DLGAP2: variants seen among roughly 807,000 people sequenced by gnomAD.
The protein encoded by DLGAP2 is DLG associated protein 2.
A neutral mutation model predicts 100.3 loss-of-function variants in DLGAP2; 26 were observed. The observed-to-expected ratio is 0.26, with a 90% confidence interval of 0.19 to 0.36. The LOEUF is 0.36. Among genes scored for constraint, DLGAP2 ranks in the 10% least tolerant of loss-of-function variants. The pLI, the probability that DLGAP2 is intolerant of heterozygous loss-of-function variation, is 1.00. For synonymous variants in DLGAP2, 886 were observed against 630.1 expected (o/e 1.41, Z -6.08); for missense variants, 1,858 against 1,453.2 (o/e 1.28, Z -4.53).
At chr8:1,059,126 A>G (rs893528747) in intron 2 of DLGAP2, among the ~76,000 whole-genome samples, 2 of 152,198 alleles carry the variant, frequency 1.3e-5, no homozygotes, top group African/African-American at 4.8e-5. Context: ...TGGGAGTCCT[A>G]AAGCCAGCAG....
At chr8:1,301,448 T>C (rs1800337387) in intron 3 of DLGAP2, 1 of 148,774 alleles carries the variant, frequency 6.7e-6, no homozygotes, top group South Asian at 2.1e-4. Flanking sequence ...CTCCACTTTT[T>C]TTTTTTCTTA....
chr8:1,504,700 T>C (rs901749259), intron 4 of DLGAP2, among the ~76,000 whole-genome samples: 3 of 152,228 alleles, frequency 2.0e-5, no homozygotes, highest in Non-Finnish European at 4.4e-5. Flanking sequence ...GGCTCATCTA[T>C]GTTGTTGCAA....
chr8:1,110,977 G>C (rs1411256323), intron 2 of DLGAP2, among the ~76,000 whole-genome samples: 1 of 152,054 alleles, frequency 6.6e-6, no homozygotes, highest in Non-Finnish European at 1.5e-5. Flanking sequence ...AGATGCATCT[G>C]CCAGCCGAAG....
At chr8:1,420,239 GT>G (rs1197366342) in intron 3 of DLGAP2, among the ~76,000 whole-genome samples, 1 of 152,156 alleles carries the variant, frequency 6.6e-6, no homozygotes, top group African/African-American at 2.4e-5. Flanking sequence ...CTCAGGTGTG[GT>G]TGAAGGGCTG....
chr8:1,430,771 G>C (rs1797403096), intron 3 of DLGAP2, among the ~76,000 whole-genome samples: 1 of 152,126 alleles, frequency 6.6e-6, no homozygotes, highest in African/African-American at 2.4e-5. Context: ...AAAATAAGAT[G>C]AACAGTTATT....
chr8:1,025,108 G>C (rs1048876409), intron 2 of DLGAP2, among the ~76,000 whole-genome samples: 12 of 152,066 alleles, frequency 7.9e-5, no homozygotes, highest in South Asian at 2.1e-4. Flanking sequence ...GTGCGTGTAT[G>C]TGTGTGCGTG....
intron 1 of DLGAP2, among the ~76,000 whole-genome samples, chr8:835,601 G>T (rs1796858205): frequency 6.6e-6 from 1 of 152,040 alleles, no homozygotes; most frequent in African/African-American, 2.4e-5. Flanking sequence ...TGCTGACAGG[G>T]CTTCTCTCCG....
chr8:1,253,741 C>G (rs964438768), intron 2 of DLGAP2, among the ~76,000 whole-genome samples: 3 of 152,160 alleles, frequency 2.0e-5, no homozygotes, highest in Admixed American at 6.5e-5. Flanking sequence ...TGGTCTTCTC[C>G]TAATTTAAGT....
Position 822,906 on chromosome 8 carries a change from G to A in DLGAP2, c.19-85006G>A, listed in dbSNP as rs141245729. Among the ~76,000 whole-genome samples the A allele has an allele frequency of 2.9e-3, 441 of 152,230 alleles. 1 individual carries two copies. Among genetic ancestry groups the A allele is most frequent in the Non-Finnish European group, 4.5e-3 (308 of 68,014 alleles). On this transcript the variant is annotated intron_variant, in intron 1 of 14. Transcript: ENST00000637795. ...CCACAAAGAGCAGATTGGAGAGGAG[G>A]GTTTTGTCAGTTTACCTGCCCCAGT...
intron 5 of DLGAP2, among the ~76,000 whole-genome samples, chr8:1,564,263 C>T (rs183094718): frequency 1.1e-4 from 16 of 152,290 alleles, no homozygotes; most frequent in East Asian, 9.7e-4. Context: ...GAGCAGCTCC[C>T]GCAATGGAAA....
At chr8:1,340,985 G>A (rs1227213195) in intron 3 of DLGAP2, among the ~76,000 whole-genome samples, 1 of 152,184 alleles carries the variant, frequency 6.6e-6, no homozygotes, top group African/African-American at 2.4e-5. Context: ...TGCAGGAACA[G>A]ATAACCAAAT....
chr8:875,483 C>T (rs2128992354), intron 1 of DLGAP2, among the ~76,000 whole-genome samples: 1 of 152,272 alleles, frequency 6.6e-6, no homozygotes, highest in Admixed American at 6.5e-5. Context: ...TAAGGGGCTT[C>T]CCCTTTCCCT....
intron 3 of DLGAP2, among the ~76,000 whole-genome samples, chr8:1,485,895 G>T (rs1799224875): frequency 6.6e-6 from 1 of 152,174 alleles, no homozygotes; most frequent in Non-Finnish European, 1.5e-5. Flanking sequence ...GTGGTGGTTG[G>T]CACCTGTCGT....
intron 3 of DLGAP2, among the ~76,000 whole-genome samples, chr8:1,303,383 C>A (rs1455393223): frequency 1.5e-5 from 2 of 132,268 alleles, no homozygotes; most frequent in African/African-American, 5.8e-5. Context: ...GGCGACAGAG[C>A]GAGACTCCGT....
At chr8:966,760 C>T (rs1393012355) in intron 2 of DLGAP2, among the ~76,000 whole-genome samples, 1 of 152,188 alleles carries the variant, frequency 6.6e-6, no homozygotes, top group Non-Finnish European at 1.5e-5. Context: ...TGAGCATCTG[C>T]CTCTCCTCAC....
intron 1 of DLGAP2, among the ~76,000 whole-genome samples, chr8:840,804 C>T (rs1355358374): frequency 1.3e-5 from 2 of 152,256 alleles, no homozygotes; most frequent in African/African-American, 4.8e-5. Context: ...GCACGTCTCC[C>T]CACACTCTCG....
chr8:1,700,958 C>G (rs1433817339), intron 14 of DLGAP2, among the ~76,000 whole-genome samples: 2 of 152,366 alleles, frequency 1.3e-5, no homozygotes, highest in Non-Finnish European at 2.9e-5. Context: ...CCTGACGCCT[C>G]TGCCCCCTTT....
chr8:877,007 T>A (rs1310192188), intron 1 of DLGAP2, among the ~76,000 whole-genome samples: 3 of 151,902 alleles, frequency 2.0e-5, no homozygotes, highest in Admixed American at 6.6e-5. Context: ...AGGTTTTTTT[T>A]TTTTTTATTT....
At chr8:1,556,773 A>C (rs1439847642) in intron 5 of DLGAP2, among the ~76,000 whole-genome samples, 5 of 151,720 alleles carry the variant, frequency 3.3e-5, no homozygotes, top group Non-Finnish European at 7.3e-5. Flanking sequence ...AGTGGCTCAG[A>C]GGAAAAACCA....
Sources: gnomAD v4.1 joint callset for allele counts (sites outside exome capture counted in the v4.1 genomes callset) on GRCh38, gnomAD v4.1.1 for gene constraint, MANE v1.5 for transcripts, NCBI Gene and HGNC (gene_info 2026-07-23, HGNC 2026-07-21) for gene names.